Variants in ANKRD55 observed in about 807,000 individuals in gnomAD.
ANKRD55 encodes ankyrin repeat domain 55, also known as ankyrin repeat domain-containing protein 55.
In ANKRD55, 41 loss-of-function variants were observed where a neutral mutation model predicts 60.6. The observed-to-expected ratio is 0.68, with a 90% CI of 0.53 to 0.88. The LOEUF is 0.88. ANKRD55 is among the 40% of genes least tolerant of loss of function. The probability of loss-of-function intolerance (pLI) is 0.00; values close to 1 mark genes in which losing one functional copy is unlikely to be tolerated. For missense variants in ANKRD55, 732 were observed against 767.6 expected (o/e 0.95, Z 0.55); for synonymous variants, 264 against 290.3 (o/e 0.91, Z 0.92).
chr5:56,135,613 C>T (rs1042330226), intron 7 of ANKRD55, among the ~76,000 whole-genome samples: 5 of 152,042 alleles, frequency 3.3e-5, no homozygotes, highest in African/African-American at 1.2e-4. Flanking sequence ...AAGCAATCTG[C>T]CTGCATCGGC....
rs1319667917 is a variant in ANKRD55, at chr5:56,182,044, C to T, written c.181+1468G>A. ...AAGTAATACTAGCTCATAAACATAA[C>T]TGAAACGTGTTTTCTCATCTCTTCT... On this transcript the variant is annotated intron_variant, in intron 3 of 11. Transcript: ENST00000341048. Among the ~76,000 whole-genome samples the T allele has an allele frequency of 2.0e-5, 3 of 152,204 alleles. No individual in the cohort carries two copies. In the South Asian group the frequency reaches 6.2e-4, roughly 32 times the overall value.
At chr5:56,100,347 C>A (rs1756234419) in intron 11 of ANKRD55, 43 bp from the exon 12 acceptor site, 1 of 1,612,276 alleles carries the variant, frequency 6.2e-7, no homozygotes, top group Middle Eastern at 1.6e-4. Context: ...AGATTTGCTT[C>A]TCTAACAGGA....
chr5:56,208,745 A>T (rs966509587), intron 2 of ANKRD55, among the ~76,000 whole-genome samples: 3 of 152,038 alleles, frequency 2.0e-5, no homozygotes, highest in African/African-American at 7.2e-5. Flanking sequence ...TTTTTAAACA[A>T]CTGGCAATGC....
At chr5:56,145,130 C>T (rs903852344) in intron 6 of ANKRD55, among the ~76,000 whole-genome samples, 6 of 152,166 alleles carry the variant, frequency 3.9e-5, no homozygotes, top group Non-Finnish European at 5.9e-5. Context: ...GATCTAGAGA[C>T]CTTTATGAGT....
intron 2 of ANKRD55, among the ~76,000 whole-genome samples, chr5:56,202,708 A>G (rs1415225860): frequency 6.6e-6 from 1 of 152,206 alleles, no homozygotes; most frequent in African/African-American, 2.4e-5. Flanking sequence ...ATATTATCTC[A>G]AGAGTAAATA....
At chr5:56,163,886 G>A (rs941893326) in intron 5 of ANKRD55, among the ~76,000 whole-genome samples, 1 of 152,132 alleles carries the variant, frequency 6.6e-6, no homozygotes, top group Non-Finnish European at 1.5e-5. Flanking sequence ...GAAGTCAAGA[G>A]TTTGAGACCA....
At chr5:56,185,765 T>C (rs1349205986) in intron 2 of ANKRD55, among the ~76,000 whole-genome samples, 3 of 152,220 alleles carry the variant, frequency 2.0e-5, no homozygotes, top group African/African-American at 7.2e-5. Flanking sequence ...TAGTTTTCAG[T>C]TCGAATTGAT....
chr5:56,155,913 C>A (rs896258057), intron 6 of ANKRD55, among the ~76,000 whole-genome samples: 1 of 150,472 alleles, frequency 6.6e-6, no homozygotes, highest in African/African-American at 2.4e-5. Context: ...TATACACATA[C>A]ACATACATAT....
chr5:56,121,660 C>T (rs1253136687), intron 8 of ANKRD55, among the ~76,000 whole-genome samples: 2 of 151,866 alleles, frequency 1.3e-5, no homozygotes, highest in Non-Finnish European at 2.9e-5. Flanking sequence ...AGTGAGCCAC[C>T]ACACCCGGCC....
chr5:56,141,050 A>G (rs1334677570), intron 7 of ANKRD55, among the ~76,000 whole-genome samples: 1 of 151,856 alleles, frequency 6.6e-6, no homozygotes, highest in Non-Finnish European at 1.5e-5. Context: ...GCAATAGAGT[A>G]AGACTCCATC....
intron 2 of ANKRD55, among the ~76,000 whole-genome samples, chr5:56,199,846 G>A (rs571772410): frequency 3.2e-4 from 47 of 147,738 alleles, no homozygotes; most frequent in African/African-American, 1.1e-3. Context: ...AGCCGAGATC[G>A]CACCACTACA....
chr5:56,198,059 T>C (rs1759266614), intron 2 of ANKRD55, among the ~76,000 whole-genome samples: 1 of 152,344 alleles, frequency 6.6e-6, no homozygotes, highest in Non-Finnish European at 1.5e-5. Context: ...TTATTTGTTT[T>C]ATTACTAATT....
intron 3 of ANKRD55, among the ~76,000 whole-genome samples, chr5:56,180,533 G>A (rs74942921): frequency 0.031 from 4,762 of 152,272 alleles, 266 homozygotes; most frequent in African/African-American, 0.11. Flanking sequence ...TCTGTACACA[G>A]ATTTGAAGAG....
chr5:56,161,939 A>G (rs373297769), intron 5 of ANKRD55: 2 of 979,874 alleles, frequency 2.0e-6, no homozygotes. Flanking sequence ...ACCACTGGAT[A>G]TATTTCCCTG....
intron 10 of ANKRD55, among the ~76,000 whole-genome samples, chr5:56,103,843 G>C (rs568715550): frequency 1.3e-5 from 2 of 152,128 alleles, no homozygotes; most frequent in Non-Finnish European, 2.9e-5. Context: ...AAGAAAAAAA[G>C]AAAAAACAAA....
At chr5:56,231,319 G>T (rs745855762) in intron 2 of ANKRD55, among the ~76,000 whole-genome samples, 1 of 152,180 alleles carries the variant, frequency 6.6e-6, no homozygotes, top group Non-Finnish European at 1.5e-5. Context: ...TTGTAATTCT[G>T]TATCTTAACT....
Position 56,232,939 on chromosome 5 carries a change from C to T in ANKRD55, c.-26G>A. The T allele has an allele frequency of 1.2e-6, 2 of 1,611,620 alleles. No homozygotes were observed. Among genetic ancestry groups the T allele is most frequent in the Non-Finnish European group, 1.7e-6 (2 of 1,177,868 alleles). ...TTACCATCAGAATGGCAAAAAGCAT[C>T]CAGGTCTCTAGAGAGGAGAAAACAC... On this transcript the variant is annotated 5_prime_UTR_variant, in exon 2 of 12. Coordinates refer to ENST00000341048, the MANE Select transcript of ANKRD55 (RefSeq NM_024669.3).
intron 2 of ANKRD55, among the ~76,000 whole-genome samples, chr5:56,226,119 G>C (rs1760104860): frequency 6.6e-6 from 1 of 152,132 alleles, no homozygotes; most frequent in Non-Finnish European, 1.5e-5. Flanking sequence ...GCATGGTACT[G>C]GTACCAAAAC....
At chr5:56,123,808 T>C (rs571872283) in intron 8 of ANKRD55, among the ~76,000 whole-genome samples, 43 of 152,318 alleles carry the variant, frequency 2.8e-4, no homozygotes, top group Admixed American at 2.7e-3. Flanking sequence ...AATATACTCA[T>C]GTCCTTGGGG....
Sources: gnomAD v4.1 joint callset for allele counts (sites outside exome capture counted in the v4.1 genomes callset) on GRCh38, gnomAD v4.1.1 for gene constraint, MANE v1.5 for transcripts, NCBI Gene and HGNC (gene_info 2026-07-23, HGNC 2026-07-21) for gene names.